Variants in CCDC14 observed in about 807,000 individuals in gnomAD.
CCDC14 encodes the protein coiled-coil domain containing 14.
CCDC14 carries 71 observed loss-of-function variants against 81.4 expected under a neutral mutation model. The ratio of observed to expected loss-of-function variants is 0.87; its 90% confidence interval spans 0.72 to 1.06. The LOEUF (loss-of-function observed/expected upper bound fraction) is 1.06, where lower values mean the gene tolerates loss of function less well. Ranked by LOEUF, CCDC14 falls within the 50% of genes least tolerant of loss-of-function variation. The pLI is 0.00. For synonymous variants in CCDC14, 332 were observed against 364.8 expected, an observed-to-expected ratio of 0.91 and a Z score of 1.03; for missense variants, 1,046 against 1,047.3, an observed-to-expected ratio of 1.00 and a Z score of 0.02.
chr3:123,952,714 G>A, intron 5 of CCDC14: 1 of 429,320 alleles, frequency 2.3e-6, no homozygotes, highest in South Asian at 1.7e-5. Flanking sequence ...AAGATAATGT[G>A]TGTTAAAAGT....
At chr3:123,931,037 T>C (rs1289593345) in intron 12 of CCDC14, 65 bp downstream of exon 12, 4 of 1,374,840 alleles carry the variant, frequency 2.9e-6, no homozygotes, top group Non-Finnish European at 3.9e-6. Context: ...TAACATTATT[T>C]TGAAGTTTAT....
chr3:123,903,267 A>C (rs2034214693), intron 5 of CCDC14, among the ~76,000 whole-genome samples: 1 of 150,654 alleles, frequency 6.6e-6, no homozygotes, highest in African/African-American at 2.5e-5. Flanking sequence ...CATGCTTGAA[A>C]TTCTCCATAA....
chr3:123,926,279 A>G (rs1408007474), intron 12 of CCDC14, among the ~76,000 whole-genome samples: 1 of 152,020 alleles, frequency 6.6e-6, no homozygotes, highest in African/African-American at 2.4e-5. Context: ...TGTAAGAAAT[A>G]TGAAAACGTT....
intron 5 of CCDC14, 81 bp downstream of exon 5, chr3:123,955,762 T>C: frequency 3.2e-6 from 4 of 1,249,736 alleles, no homozygotes; most frequent in Non-Finnish European, 4.3e-6. Context: ...AAAATGAAAA[T>C]CAACTGTATA....
intron 9 of CCDC14, among the ~76,000 whole-genome samples, chr3:123,937,635 G>C (rs1289287598): frequency 6.6e-6 from 1 of 151,758 alleles, no homozygotes; most frequent in Admixed American, 6.6e-5. Context: ...TTTTTAATAA[G>C]TGTTTTTTGA....
downstream of CCDC14, among the ~76,000 whole-genome samples, chr3:123,910,420 G>A (rs1288863074): frequency 6.6e-6 from 1 of 151,938 alleles, no homozygotes; most frequent in Non-Finnish European, 1.5e-5. Flanking sequence ...ATCAGAAGAG[G>A]GCAAGCAAGA....
At chr3:123,893,384 T>C (rs923414597), downstream of CCDC14, among the ~76,000 whole-genome samples, 6 of 152,342 alleles carry the variant, frequency 3.9e-5, no homozygotes, top group Middle Eastern at 3.4e-3. Context: ...TTTCAAGGTT[T>C]ATCCAGGTAG....
At chr3:123,899,659 G>C (rs1461799143) in intron 5 of CCDC14, among the ~76,000 whole-genome samples, 1 of 152,178 alleles carries the variant, frequency 6.6e-6, no homozygotes, top group Non-Finnish European at 1.5e-5. Flanking sequence ...CTGTCCCTTA[G>C]GCTATTGTGG....
intron 9 of CCDC14, among the ~76,000 whole-genome samples, chr3:123,936,805 CTAT>C (rs2036081934): frequency 6.6e-6 from 1 of 151,934 alleles, no homozygotes; most frequent in Non-Finnish European, 1.5e-5. Flanking sequence ...ACGTGTTTAC[CTAT>C]GTAACAAACC....
chr3:123,885,659 T>G, the CCDC14 span, among the ~76,000 whole-genome samples: 3 of 152,200 alleles, frequency 2.0e-5, no homozygotes, highest in Admixed American at 1.3e-4. Flanking sequence ...AGGGTCTTCC[T>G]CAGACTGAAG....
At chr3:123,951,789 C>T (rs1435836773) in intron 5 of CCDC14, among the ~76,000 whole-genome samples, 1 of 152,208 alleles carries the variant, frequency 6.6e-6, no homozygotes, top group East Asian at 1.9e-4. Flanking sequence ...CATCAACTAA[C>T]ATAAATTAAT....
At chr3:123,912,215 G>C (rs1189067397), downstream of CCDC14, among the ~76,000 whole-genome samples, 1 of 152,158 alleles carries the variant, frequency 6.6e-6, no homozygotes, top group Non-Finnish European at 1.5e-5. Context: ...TCAGAGGTTA[G>C]GGATACTCTG....
intron 7 of CCDC14, 84 bp from the exon 8 acceptor site, chr3:123,947,403 A>C (rs2036715059): frequency 4.5e-6 from 4 of 887,690 alleles, no homozygotes; most frequent in Non-Finnish European, 6.7e-6. Flanking sequence ...TATATGAAAT[A>C]TATTTATTAA....
At position 123,915,056 on chromosome 3, in the gene CCDC14, TC is replaced by T; in HGVS notation, c.2440del (p.Glu814LysfsTer32). The T allele has an allele frequency of 6.2e-7, 1 of 1,614,028 alleles. No homozygotes were observed. ...GGCAGCAGGGATCTTACCAATTGCT[TC>T]CTTTATTTTCTTGAGGAGCTGTGTG... ...KDTQLLKKIKEAIGKIPAATK... is the reference protein window; with the variant it reads ...KDTQLLKKIKXAIGKIPAATK... On this transcript the variant is annotated frameshift_variant, in exon 13 of 13. Transcript: ENST00000409697. LOFTEE classifies it high-confidence loss of function.
chr3:123,903,893 A>G (rs1225748237), intron 5 of CCDC14, among the ~76,000 whole-genome samples: 1 of 152,092 alleles, frequency 6.6e-6, no homozygotes. Context: ...CAGCTTCTGG[A>G]ATGTGACAGA....
At chr3:123,927,146 T>G (rs1167011394) in intron 12 of CCDC14, among the ~76,000 whole-genome samples, 1 of 151,622 alleles carries the variant, frequency 6.6e-6, no homozygotes, top group Non-Finnish European at 1.5e-5. Context: ...CTGGGTGTGC[T>G]GGTAATCCCA....
Position 123,933,730 on chromosome 3 carries a change from G to A in CCDC14, c.1369C>T (p.Leu457Phe). ...TTTTGAGTTTTCTGTTGTTCTCTGAGTTGCTGGTTCAAAATTCTCAACTGC... is the reference window on the plus strand; with the variant it reads ...TTTTGAGTTTTCTGTTGTTCTCTGAATTGCTGGTTCAAAATTCTCAACTGC... ...RRQLRILNQQ[L>F]REQQKTQKPS... Residue 457 changes from leucine (L) to phenylalanine (F), a missense_variant, in exon 10 of 13, where the codon CTC (leucine) becomes TTC (phenylalanine). Coordinates refer to ENST00000409697, the MANE Select transcript of CCDC14 (RefSeq NM_001366335.1). The A allele has an allele frequency of 1.3e-6, 2 of 1,571,474 alleles. No individual in the cohort carries two copies. The highest frequency in any genetic ancestry group is 8.7e-7 in the Non-Finnish European group (1 of 1,155,866).
At chr3:123,887,849 T>C in the CCDC14 span, among the ~76,000 whole-genome samples, 1 of 152,186 alleles carries the variant, frequency 6.6e-6, no homozygotes, top group Non-Finnish European at 1.5e-5. Context: ...TCTGGAGACT[T>C]CTATTATCTG....
At chr3:123,899,396 A>C (rs1208969060) in intron 5 of CCDC14, among the ~76,000 whole-genome samples, 1 of 151,994 alleles carries the variant, frequency 6.6e-6, no homozygotes, top group African/African-American at 2.4e-5. Flanking sequence ...TCTCTAGTCT[A>C]TTTCTTCTGA....
Sources: allele counts gnomAD v4.1 joint callset (sites outside exome capture counted in the v4.1 genomes callset), GRCh38; gene constraint gnomAD v4.1.1; transcripts MANE v1.5; gene names NCBI Gene and HGNC (gene_info 2026-07-23, HGNC 2026-07-21).